Variants in PSD3 observed in about 807,000 individuals in gnomAD.
The protein encoded by PSD3 is pleckstrin and Sec7 domain containing 3.
A neutral mutation model predicts 105.5 loss-of-function variants in PSD3; 49 were observed. That is an observed-to-expected ratio of 0.46 (90% CI 0.37 to 0.59). The LOEUF (loss-of-function observed/expected upper bound fraction) is 0.59, where lower values mean the gene tolerates loss of function less well. Ranked by LOEUF, PSD3 falls within the 20% of genes least tolerant of loss-of-function variation. PSD3 has a pLI of 0.00. For missense variants in PSD3, 1,561 were observed against 1,263.8 expected, an observed-to-expected ratio of 1.24 and a Z score of -3.57; for synonymous variants, 557 against 457.8, an observed-to-expected ratio of 1.22 and a Z score of -2.77.
intron 2 of PSD3, among the ~76,000 whole-genome samples, chr8:18,915,586 AAAG>A (rs1820529270): frequency 6.6e-6 from 1 of 152,232 alleles, no homozygotes; most frequent in African/African-American, 2.4e-5. Context: ...ACATGTCTCA[AAAG>A]AAGACATACA....
chr8:18,590,317 G>A (rs778153438), intron 12 of PSD3, among the ~76,000 whole-genome samples: 4 of 152,122 alleles, frequency 2.6e-5, no homozygotes, highest in Middle Eastern at 3.4e-3. Context: ...TCAGTACTGC[G>A]GATAGTAAAT....
intron 1 of PSD3, among the ~76,000 whole-genome samples, chr8:19,070,231 A>C (rs1304500019): frequency 6.6e-6 from 1 of 152,100 alleles, no homozygotes; most frequent in Non-Finnish European, 1.5e-5. Context: ...TTCGTTTTTA[A>C]TGTGATACGC....
intron 9 of PSD3, among the ~76,000 whole-genome samples, chr8:18,710,677 G>A (rs1204366765): frequency 1.3e-5 from 2 of 152,122 alleles, no homozygotes; most frequent in South Asian, 2.1e-4. Flanking sequence ...GAGATTGGGG[G>A]CCAATATTCA....
rs751388774 is a variant in PSD3, at chr8:18,905,959, C to A, written c.130+30075G>T. On this transcript the variant is annotated intron_variant, in intron 2 of 15. Coordinates refer to ENST00000327040, the MANE Select transcript of PSD3 (RefSeq NM_015310.4). ...TCTTTGATCTTTCTAGAATGAGATA[C>A]GCTTTGCAAAAACAATTATAACAAT... 1.6e-4 allele frequency among the ~76,000 whole-genome samples: 24 copies of A among 152,030 alleles called. 1 individual carries two copies. Among genetic ancestry groups the A allele is most frequent in the Non-Finnish European group, 2.8e-4 (19 of 67,996 alleles).
In PSD3 at chr8:18,852,241, T is replaced by C. The variant is rs555354179; in HGVS notation, c.1634+15433A>G. Among the ~76,000 whole-genome samples the C allele has an allele frequency of 2.0e-5, 3 of 152,174 alleles. No homozygotes were observed. In the South Asian group the frequency reaches 6.2e-4, roughly 32 times the overall value. On this transcript the variant is annotated intron_variant, in intron 4 of 15. Transcript: ENST00000327040. ...AATCTCAATAACCATGGAATAAAAA[T>C]ATTATCTACAAGTGATAGACCAGGA...
rs568236936 is a variant in PSD3 at position 18,660,142 on chromosome 8, C to T, written c.2173-4457G>A. Among the ~76,000 whole-genome samples, 14 of 152,116 alleles carry T rather than the reference C, an allele frequency of 9.2e-5. 1 individual carries two copies. Among genetic ancestry groups the T allele is most frequent in the Middle Eastern group, 6.8e-3 (2 of 294 alleles). ...AAGTTAAAGAACTTGAGATGGGGAA[C>T]GTACGTGGGTGGGCTCTAAATGCAA... is the stretch of plus-strand genomic sequence containing the variant. On this transcript the variant is annotated intron_variant, in intron 9 of 15. Transcript: ENST00000327040.
rs576795477 is a variant in PSD3, at chr8:18,988,022, T to C, written c.21+25541A>G. Among the ~76,000 whole-genome samples the C allele has an allele frequency of 4.6e-4, 65 of 140,562 alleles. No individual in the cohort carries two copies. The South Asian group carries it at 0.014, about 30-fold the overall frequency. 92.2% of individuals were successfully genotyped at this position (140,562 alleles called of 152,430 possible). On this transcript the variant is annotated intron_variant, in intron 1 of 15. Coordinates refer to ENST00000327040, the MANE Select transcript of PSD3 (RefSeq NM_015310.4). ...ATAACACCGAACAAAACAAAGCCCT[T>C]AATTGCTAGATATACTTGAATCCCT...
At chr8:18,986,805 G>C (rs1449711028) in intron 1 of PSD3, among the ~76,000 whole-genome samples, 1 of 152,186 alleles carries the variant, frequency 6.6e-6, no homozygotes, top group Admixed American at 6.5e-5. Context: ...GCAGAACAAA[G>C]AGCCAGCAGT....
intron 9 of PSD3, among the ~76,000 whole-genome samples, chr8:18,665,061 T>C (rs537176890): frequency 2.0e-5 from 3 of 152,362 alleles, no homozygotes; most frequent in East Asian, 1.9e-4. Flanking sequence ...GTTGTTTTCA[T>C]GCCTGCTAAC....
intron 15 of PSD3, among the ~76,000 whole-genome samples, chr8:18,553,814 A>T (rs188206155): frequency 6.6e-5 from 10 of 152,324 alleles, no homozygotes; most frequent in Admixed American, 4.6e-4. Flanking sequence ...CTTTCATGAC[A>T]TAAATATTAG....
intron 11 of PSD3, among the ~76,000 whole-genome samples, chr8:18,625,272 T>C (rs939122535): frequency 1.3e-5 from 2 of 152,088 alleles, no homozygotes; most frequent in Non-Finnish European, 2.9e-5. Flanking sequence ...TGACTTACTT[T>C]CTATATCATC....
chr8:18,717,853 C>T (rs1316087928), intron 9 of PSD3, among the ~76,000 whole-genome samples: 1 of 152,150 alleles, frequency 6.6e-6, no homozygotes, highest in African/African-American at 2.4e-5. Flanking sequence ...TGCTCTAGCT[C>T]CCTTACGAAC....
rs1278340847 is a variant in PSD3 at position 18,774,894 on chromosome 8, G to C, written c.2083-9356C>G. ...AGCTCCTCTTCCTTCTTGCCTCAAA[G>C]ATCCTGAGCCTTAATCTTGGCTACG... On this transcript the variant is annotated intron_variant, in intron 8 of 15. Transcript: ENST00000327040. 5 of 456,166 alleles carry C rather than the reference G, an allele frequency of 1.1e-5. No individual in the cohort carries two copies. In the Admixed American group the frequency reaches 1.2e-4, roughly 11 times the overall value. 28.3% of individuals were successfully genotyped at this position (456,166 alleles called of 1,614,324 possible).
At position 18,948,093 on chromosome 8, in the gene PSD3, G is replaced by C. The variant is rs553142671; in HGVS notation, c.22-11951C>G. 1.7e-3 allele frequency among the ~76,000 whole-genome samples: 265 copies of C among 152,186 alleles called. 1 individual carries two copies. The highest frequency in any genetic ancestry group is 2.7e-3 in the Non-Finnish European group (187 of 68,014). ...ATCAGTAATGACAGACTGAGAAGAC[G>C]GGCGGACTTGGACAGCAAACAATAA... On this transcript the variant is annotated intron_variant, in intron 1 of 15. Transcript: ENST00000327040.
At chr8:18,991,400 A>ACACT (rs1448423086) in intron 1 of PSD3, among the ~76,000 whole-genome samples, 1 of 145,584 alleles carries the variant, frequency 6.9e-6, no homozygotes, top group African/African-American at 2.5e-5. Context: ...ACACACACAC[A>ACACT]CTCCTGAAAC....
chr8:18,919,663 A>G (rs1488657150), intron 2 of PSD3, among the ~76,000 whole-genome samples: 1 of 151,950 alleles, frequency 6.6e-6, no homozygotes, highest in Non-Finnish European at 1.5e-5. Flanking sequence ...TCCCTGCGCA[A>G]TACAAAGAGT....
intron 4 of PSD3, chr8:18,854,301 G>C (rs1170295531): frequency 6.5e-6 from 1 of 152,746 alleles, no homozygotes; most frequent in Non-Finnish European, 1.5e-5. Context: ...GGGGCTCAGG[G>C]ATACGAACTT....
chr8:18,907,941 G>A (rs1819955124), intron 2 of PSD3, among the ~76,000 whole-genome samples: 1 of 152,136 alleles, frequency 6.6e-6, no homozygotes, highest in Non-Finnish European at 1.5e-5. Flanking sequence ...CGGCACACAA[G>A]AATGACAGCA....
chr8:18,698,285 T>C (rs943487928), intron 9 of PSD3, among the ~76,000 whole-genome samples: 2 of 152,160 alleles, frequency 1.3e-5, no homozygotes, highest in African/African-American at 2.4e-5. Context: ...TTTTTAATTT[T>C]TTAAAAAAAT....
Sources: allele counts gnomAD v4.1 joint callset (sites outside exome capture counted in the v4.1 genomes callset), GRCh38; gene constraint gnomAD v4.1.1; transcripts MANE v1.5; gene names NCBI Gene and HGNC (gene_info 2026-07-23, HGNC 2026-07-21).